Variants in ANK3 observed in about 807,000 individuals in gnomAD.
ANK3 encodes ankyrin 3.
In ANK3, 57 loss-of-function variants were observed where a neutral mutation model predicts 370.9. That is an observed-to-expected ratio of 0.15 (90% CI 0.12 to 0.19). The LOEUF is 0.19. Among genes scored for constraint, ANK3 ranks in the 10% least tolerant of loss-of-function variants. ANK3 has a pLI of 1.00. For synonymous variants in ANK3, 1,929 were observed against 1,946.3 expected, an observed-to-expected ratio of 0.99 and a Z score of 0.23; for missense variants, 4,439 against 5,302.1, an observed-to-expected ratio of 0.84 and a Z score of 5.06.
chr10:60,416,041 C>T (rs560097547), intron 2 of ANK3, among the ~76,000 whole-genome samples: 2 of 148,930 alleles, frequency 1.3e-5, no homozygotes, highest in African/African-American at 5.0e-5. Context: ...GATTAGTGTC[C>T]CTATTAAAAA....
chr10:60,311,470 A>T, intron 1 of ANK3, among the ~76,000 whole-genome samples: 1 of 98,702 alleles, frequency 1.0e-5, no homozygotes, highest in Non-Finnish European at 2.2e-5. Context: ...GGGTATATGG[A>T]AGCCAAAAAA....
intron 36 of ANK3, among the ~76,000 whole-genome samples, chr10:60,076,677 A>G (rs1160518237): frequency 6.6e-6 from 1 of 152,194 alleles, no homozygotes; most frequent in African/African-American, 2.4e-5. Flanking sequence ...TAAATAAAAA[A>G]CAGAGTAATG....
intron 28 of ANK3, among the ~76,000 whole-genome samples, chr10:60,096,019 C>G (rs2090057762): frequency 6.6e-6 from 1 of 151,970 alleles, no homozygotes; most frequent in African/African-American, 2.4e-5. Context: ...ACTAAAAATA[C>G]AAAAATTAGC....
In ANK3 at chr10:60,674,313, G is replaced by T. The variant is rs569190453; in HGVS notation, c.57+58950C>A. Among the ~76,000 whole-genome samples, 67 of 152,244 alleles carry T rather than the reference G, an allele frequency of 4.4e-4. 2 individuals carry two copies. In the South Asian group the frequency reaches 0.012, roughly 27 times the overall value. On this transcript the variant is annotated intron_variant, in intron 1 of 43. Transcript: ENST00000373827. ...AGAAAAGAGGTTTATTTGGCTCATG[G>T]TTCTGCAGGCTGTACAGGAAGCATG...
chr10:60,370,742 C>A (rs1442571412), intron 1 of ANK3, among the ~76,000 whole-genome samples: 1 of 152,140 alleles, frequency 6.6e-6, no homozygotes, highest in East Asian at 1.9e-4. Context: ...AATTATTCTC[C>A]AGGTTTCTAA....
intron 1 of ANK3, among the ~76,000 whole-genome samples, chr10:60,691,395 G>C (rs975250370): frequency 6.6e-6 from 1 of 152,250 alleles, no homozygotes; most frequent in Non-Finnish European, 1.5e-5. Flanking sequence ...CCAACTCTGA[G>C]ACTGAGAGGA....
chr10:60,242,145 C>T (rs2097472412), intron 7 of ANK3, among the ~76,000 whole-genome samples: 1 of 152,152 alleles, frequency 6.6e-6, no homozygotes, highest in Admixed American at 6.5e-5. Flanking sequence ...TTTTTAGTCT[C>T]TAACCTACTC....
At chr10:60,104,430 AAGT>A (rs2091890405) in intron 28 of ANK3, among the ~76,000 whole-genome samples, 1 of 150,026 alleles carries the variant, frequency 6.7e-6, no homozygotes, top group Non-Finnish European at 1.5e-5. Context: ...AAAAGAAAAG[AAGT>A]AGACCTACAT....
intron 21 of ANK3, among the ~76,000 whole-genome samples, chr10:60,169,071 C>G (rs2095703777): frequency 6.6e-6 from 1 of 152,128 alleles, no homozygotes; most frequent in Non-Finnish European, 1.5e-5. Context: ...AGTAATGGGA[C>G]TGCTGGGTCA....
intron 1 of ANK3, among the ~76,000 whole-genome samples, chr10:60,317,111 T>C (rs1398469833): frequency 2.0e-5 from 3 of 152,018 alleles, no homozygotes; most frequent in Non-Finnish European, 2.9e-5. Flanking sequence ...TCCATATACA[T>C]GCATACTAAC....
intron 2 of ANK3, among the ~76,000 whole-genome samples, chr10:60,554,760 AAATC>A (rs2077170208): frequency 6.6e-6 from 1 of 152,190 alleles, no homozygotes; most frequent in African/African-American, 2.4e-5. Context: ...TTTCCTGATA[AAATC>A]AATCATACAT....
At chr10:60,482,710 C>T (rs534963536) in intron 2 of ANK3, among the ~76,000 whole-genome samples, 34 of 152,254 alleles carry the variant, frequency 2.2e-4, no homozygotes, top group Middle Eastern at 6.8e-3. Flanking sequence ...TGGTCTTGAA[C>T]TCCTAGGCTC....
At chr10:60,268,326 A>G (rs913996201) in intron 5 of ANK3, among the ~76,000 whole-genome samples, 3 of 152,202 alleles carry the variant, frequency 2.0e-5, no homozygotes, top group East Asian at 1.9e-4. Flanking sequence ...AACAGTACTG[A>G]TGGGTACAAA....
chr10:60,338,245 C>G (rs1283305581), intron 1 of ANK3, among the ~76,000 whole-genome samples: 4 of 152,146 alleles, frequency 2.6e-5, no homozygotes, highest in Non-Finnish European at 5.9e-5. Context: ...CTTCCCCCAT[C>G]CAGCAGGCAT....
chr10:60,257,380 G>A (rs2097755116), intron 7 of ANK3, among the ~76,000 whole-genome samples: 1 of 152,156 alleles, frequency 6.6e-6, no homozygotes, highest in Admixed American at 6.5e-5. Context: ...AAGTTAAGTA[G>A]CTGGGCCACA....
intron 7 of ANK3, 121 bp from the exon 8 acceptor site, chr10:60,234,907 C>T (rs2097305306): frequency 1.6e-6 from 1 of 644,550 alleles, no homozygotes; most frequent in African/African-American, 1.8e-5. Flanking sequence ...CCTTTATGAA[C>T]AGTGTGCTTC....
intron 1 of ANK3, among the ~76,000 whole-genome samples, chr10:60,318,338 T>C (rs2047911354): frequency 6.6e-6 from 1 of 152,200 alleles, no homozygotes; most frequent in Non-Finnish European, 1.5e-5. Flanking sequence ...CAGTTCACAG[T>C]GCATTTTCAC....
At chr10:60,043,353 T>C (rs2076435796) in intron 42 of ANK3, 2 of 984,986 alleles carry the variant, frequency 2.0e-6, no homozygotes, top group Admixed American at 1.2e-4. Context: ...CTTTTCAATT[T>C]TGTGATTTGT....
At chr10:60,041,836 A>G (rs1421034209) in intron 43 of ANK3, among the ~76,000 whole-genome samples, 4 of 152,244 alleles carry the variant, frequency 2.6e-5, no homozygotes, top group Non-Finnish European at 5.9e-5. Flanking sequence ...TCCTTCCCTC[A>G]GCACTCTGCA....
Sources: gnomAD v4.1 joint callset for allele counts (sites outside exome capture counted in the v4.1 genomes callset) on GRCh38, gnomAD v4.1.1 for gene constraint, MANE v1.5 for transcripts, NCBI Gene and HGNC (gene_info 2026-07-23, HGNC 2026-07-21) for gene names.